The following SULT4A1 variants were observed in gnomAD, a reference collection of about 807,000 sequenced individuals.
The protein encoded by SULT4A1 is sulfotransferase family 4A member 1.
SULT4A1 carries 11 observed loss-of-function variants against 35.2 expected under a neutral mutation model. The ratio of observed to expected loss-of-function variants is 0.31; its 90% CI spans 0.20 to 0.52. The LOEUF (loss-of-function observed/expected upper bound fraction) is 0.52. Ranked by LOEUF, SULT4A1 falls within the 20% of genes least tolerant of loss-of-function variation. The pLI, the probability that SULT4A1 is intolerant of heterozygous loss-of-function variation, is 0.97. For synonymous variants in SULT4A1, 152 were observed against 151.8 expected (o/e 1.00, Z -0.01); for missense variants, 271 against 383.7 (o/e 0.71, Z 2.45).
chr22:43,832,070 G>A (rs1358315970), intron 5 of SULT4A1, among the ~76,000 whole-genome samples: 1 of 152,210 alleles, frequency 6.6e-6, no homozygotes, highest in Non-Finnish European at 1.5e-5. Context: ...CCAGCATCCA[G>A]AGCCCACGTT....
intron 1 of SULT4A1, among the ~76,000 whole-genome samples, chr22:43,846,330 A>G (rs1336231398): frequency 6.6e-6 from 1 of 152,174 alleles, no homozygotes; most frequent in Non-Finnish European, 1.5e-5. Flanking sequence ...TGTGCTATCT[A>G]CCTGCCCAGA....
chr22:43,855,966 T>A (rs1207105932), intron 1 of SULT4A1, among the ~76,000 whole-genome samples: 1 of 152,198 alleles, frequency 6.6e-6, no homozygotes, highest in Non-Finnish European at 1.5e-5. Context: ...AGGTAAAATG[T>A]TTCCATGCTG....
At chr22:43,851,737 A>G (rs1444269748) in intron 1 of SULT4A1, among the ~76,000 whole-genome samples, 1 of 152,178 alleles carries the variant, frequency 6.6e-6, no homozygotes, top group Non-Finnish European at 1.5e-5. Flanking sequence ...CCTGTGTCCC[A>G]GCCTTCAGCT....
At chr22:43,830,036 G>A (rs147266290) in intron 5 of SULT4A1, among the ~76,000 whole-genome samples, 86 of 152,328 alleles carry the variant, frequency 5.6e-4, no homozygotes, top group Middle Eastern at 3.4e-3. Flanking sequence ...TGGTGTGGGC[G>A]CCAGCTCCTC....
intron 1 of SULT4A1, among the ~76,000 whole-genome samples, chr22:43,853,424 A>C (rs1247962754): frequency 6.6e-6 from 1 of 151,636 alleles, no homozygotes; most frequent in African/African-American, 2.4e-5. Flanking sequence ...TCCCCACCCC[A>C]CCCCTGCCCA....
At chr22:43,852,998 A>T (rs976607180) in intron 1 of SULT4A1, among the ~76,000 whole-genome samples, 1 of 152,050 alleles carries the variant, frequency 6.6e-6, no homozygotes, top group Non-Finnish European at 1.5e-5. Flanking sequence ...TCGCTCCAGA[A>T]CCAGAGTGCT....
chr22:43,826,701 T>C, intron 6 of SULT4A1: 2 of 985,456 alleles, frequency 2.0e-6, no homozygotes, highest in Non-Finnish European at 2.4e-6. Context: ...AAGATGCAGA[T>C]TTCAAGAAGC....
At position 43,829,046 on chromosome 22, in the gene SULT4A1, G is replaced by T. The variant is rs1257329963; in HGVS notation, c.742+14C>A. The T allele has an allele frequency of 2.0e-6, 3 of 1,513,640 alleles. No individual in the cohort carries two copies. The highest frequency in any genetic ancestry group is 1.9e-4 in the Middle Eastern group (1 of 5,268). The allele number at this position is 1,513,640 out of a possible 1,614,324, so 93.8% of individuals were successfully genotyped here. ...TGGGGAGTGCCTGGGCGGGAGGCAG[G>T]GTGGGGCACGTACCCCGGCCCACGG... On this transcript the variant is annotated intron_variant, in intron 6 of 6. Transcript: ENST00000330884.
In SULT4A1 at chr22:43,862,275, C is replaced by A. The variant is rs2049480888; in HGVS notation, c.108G>T (p.Glu36Asp). The change falls in exon 1 of 7, where the codon GAG becomes GAT. Residue 36 changes from glutamate to aspartate, a missense_variant. This residue lies in a region of SULT4A1 where 164 missense variants were observed against 254.1 expected (regional missense o/e 0.65). Coordinates refer to ENST00000330884, the MANE Select transcript of SULT4A1 (RefSeq NM_014351.4). ...RLPPFCRGKM[E>D]EIANFPVRPS... is the part of the protein sequence containing the mutation. ...GCCGCACCGGGAAGTTGGCGATCTC[C>A]TCCATCTTCCCGCGGCAGAAGGGCG... 6.4e-7 allele frequency: 1 copy of A among 1,571,906 alleles called. No individual in the cohort carries two copies.
intron 5 of SULT4A1, 48 bp downstream of exon 5, chr22:43,833,592 G>T: frequency 6.8e-7 from 1 of 1,478,404 alleles, no homozygotes; most frequent in Non-Finnish European, 9.2e-7. Flanking sequence ...GGAGCTGCCA[G>T]GCCGAGGGCC....
Position 43,829,163 on chromosome 22 carries a change from G to C in SULT4A1, c.639C>G (p.Phe213Leu), listed in dbSNP as rs1302881553. The C allele has an allele frequency of 6.4e-7, 1 of 1,565,978 alleles. No individual in the cohort carries two copies. Among genetic ancestry groups the C allele is most frequent in the South Asian group, 1.2e-5 (1 of 84,690 alleles). Residue 213 changes from phenylalanine to leucine, a missense_variant, in exon 6 of 7, where the codon TTC (phenylalanine) becomes TTG (leucine). Phe to Leu is a conservative substitution (Grantham distance 22). Coordinates refer to ENST00000330884, the MANE Select transcript of SULT4A1 (RefSeq NM_014351.4). ...LVTMVEQLAR[F>L]LGVSCDKAQL... ...GGGCCTTGTCACAGGACACCCCCAG[G>C]AATCTGGCCAGCTGCTCCACCATCG...
At chr22:43,861,953 T>C (rs7284196) in intron 1 of SULT4A1, among the ~76,000 whole-genome samples, 35,914 of 152,096 alleles carry the variant, frequency 0.24, 4,465 homozygotes, top group African/African-American at 0.32. Flanking sequence ...CCAAATAGGC[T>C]CCATCTCCAC....
intron 2 of SULT4A1, among the ~76,000 whole-genome samples, chr22:43,840,478 G>A (rs930628182): frequency 2.6e-5 from 4 of 152,116 alleles, no homozygotes; most frequent in Non-Finnish European, 5.9e-5. Context: ...TAGAGACAAG[G>A]GTCCTTGACT....
intron 2 of SULT4A1, among the ~76,000 whole-genome samples, chr22:43,841,214 G>A (rs1428160182): frequency 6.6e-6 from 1 of 152,194 alleles, no homozygotes; most frequent in African/African-American, 2.4e-5. Flanking sequence ...CTTGTGCCAT[G>A]GGGAGGGATG....
At chr22:43,831,709 G>A (rs776813270) in intron 5 of SULT4A1, among the ~76,000 whole-genome samples, 2 of 152,254 alleles carry the variant, frequency 1.3e-5, no homozygotes, top group African/African-American at 2.4e-5. Context: ...AAACCCATGC[G>A]AGTTCCACAC....
chr22:43,825,884 C>T lies in SULT4A1; in HGVS notation c.*117G>A, dbSNP rs747419877. The T allele has an allele frequency of 1.1e-5, 11 of 1,032,714 alleles. No homozygotes were observed. Among genetic ancestry groups the T allele is most frequent in the Middle Eastern group, 2.4e-4 (1 of 4,100 alleles). The allele number at this position is 1,032,714 out of a possible 1,614,324, so 64.0% of individuals were successfully genotyped here. On this transcript the variant is annotated 3_prime_UTR_variant, in exon 7 of 7. Transcript: ENST00000330884. ...CGCTCACGCCGCTCTTCCCTTCCCC[C>T]GCTGTTTCACACGCTGCTTCCAGAG... is the stretch of plus-strand genomic sequence containing the variant.
chr22:43,857,231 C>T (rs1197125230), intron 1 of SULT4A1, among the ~76,000 whole-genome samples: 1 of 151,846 alleles, frequency 6.6e-6, no homozygotes, highest in Non-Finnish European at 1.5e-5. Flanking sequence ...ATTACCCAAA[C>T]TGGAACAAAA....
chr22:43,841,850 C>T lies in SULT4A1; in HGVS notation c.252G>A (p.Glu84=), dbSNP rs766393154. The part of the protein sequence containing the change: ...PDEIGLMNID[E]QLPVLEYPQP... ...GTGGGTACTCCAGGACCGGGAGCTG[C>T]TCGTCGATGTTCATCAAGCCGATCT... Residue 84 remains glutamate (E), a synonymous_variant, in exon 2 of 7, where the codon GAG becomes GAA. Transcript: ENST00000330884. The T allele has an allele frequency of 6.2e-7, 1 of 1,614,002 alleles. No homozygotes were observed. The highest frequency in any genetic ancestry group is 8.5e-7 in the Non-Finnish European group (1 of 1,179,904).
intron 3 of SULT4A1, 124 bp downstream of exon 3, chr22:43,839,821 G>T: frequency 1.1e-6 from 1 of 873,066 alleles, no homozygotes; most frequent in Non-Finnish European, 1.9e-6. Context: ...TCACGTGTGG[G>T]CTCCTTGGGA....
Sources: allele counts gnomAD v4.1 joint callset (sites outside exome capture counted in the v4.1 genomes callset), GRCh38; gene constraint gnomAD v4.1.1; regional missense constraint gnomAD v4.1.1; transcripts MANE v1.5; gene names NCBI Gene and HGNC (gene_info 2026-07-23, HGNC 2026-07-21).